Variants in DRC7 observed in about 807,000 individuals in gnomAD.
DRC7 encodes the protein coiled-coil domain containing 135.
Under a neutral mutation model 104.4 loss-of-function variants are expected in DRC7, and 80 were observed. The ratio of observed to expected loss-of-function variants is 0.77; its 90% CI spans 0.64 to 0.92. The LOEUF (loss-of-function observed/expected upper bound fraction) is 0.92. DRC7 is among the 40% of genes least tolerant of loss of function. The probability of loss-of-function intolerance (pLI) is 0.00; values close to 1 mark genes in which losing one functional copy is unlikely to be tolerated. For missense variants in DRC7, 1,034 were observed against 1,141.1 expected, an observed-to-expected ratio of 0.91 and a Z score of 1.35; for synonymous variants, 405 against 447.3, an observed-to-expected ratio of 0.91 and a Z score of 1.19.
Position 57,718,454 on chromosome 16 carries a change from T to C in DRC7, c.1185T>C (p.Asp395=). The C allele has an allele frequency of 6.2e-7, 1 of 1,613,808 alleles. No individual in the cohort carries two copies. The highest frequency in any genetic ancestry group is 8.5e-7 in the Non-Finnish European group (1 of 1,179,828). The change falls in exon 9 of 19, where the codon GAT becomes GAC. Residue 395 remains aspartate, a synonymous_variant. Transcript: ENST00000360716. ...LTEEDDSGIN[D]EDDVENLGKE... ...AAGAAGACGACAGTGGGATAAACGA[T>C]GAGGATGATGTGGAAAATCTGGTGA...
chr16:57,730,048 G>A (rs1301765767), intron 17 of DRC7, among the ~76,000 whole-genome samples: 3 of 134,258 alleles, frequency 2.2e-5, no homozygotes, highest in African/African-American at 8.6e-5. Flanking sequence ...ACGGATGGAC[G>A]GATGGATGGA....
chr16:57,708,756 C>T (rs1597799856), intron 8 of DRC7, among the ~76,000 whole-genome samples: 1 of 152,164 alleles, frequency 6.6e-6, no homozygotes, highest in African/African-American at 2.4e-5. Flanking sequence ...CACATCCTTG[C>T]CAATACTGGA....
chr16:57,705,072 C>A, intron 7 of DRC7, 38 bp downstream of exon 7: 1 of 1,597,796 alleles, frequency 6.3e-7, no homozygotes, highest in African/African-American at 1.3e-5. Context: ...GCTCAGCTAT[C>A]GAGAAAGGAC....
intron 9 of DRC7, among the ~76,000 whole-genome samples, chr16:57,720,265 G>A (rs1003487442): frequency 6.6e-6 from 1 of 152,228 alleles, no homozygotes; most frequent in South Asian, 2.1e-4. Flanking sequence ...AACCTACACA[G>A]TCTGGCTCCA....
chr16:57,722,649 G>A lies in DRC7; in HGVS notation c.1280-64G>A, dbSNP rs2148765759. ...CGGGCAGTGGATGGATGAATGGCTG[G>A]GCGGGGCTGGCCCTCCCTTCCCCCA... On this transcript the variant is annotated intron_variant, in intron 10 of 18. Transcript: ENST00000360716. 5 of 1,599,380 alleles carry A rather than the reference G, an allele frequency of 3.1e-6. No homozygotes were observed. In the East Asian group the frequency reaches 1.1e-4, roughly 36 times the overall value.
chr16:57,702,058 C>T lies in DRC7; in HGVS notation c.627C>T (p.Gly209=), dbSNP rs61749968. Residue 209 remains glycine, a synonymous_variant, in exon 6 of 19, where the codon GGC becomes GGT. Coordinates refer to ENST00000360716, the MANE Select transcript of DRC7 (RefSeq NM_001289162.2). The part of the protein sequence containing the change: ...GSGYDAYCVN[G]YGSLDLCHMD... ...GCTATGATGCTTACTGCGTCAACGG[C>T]TACGGCTCGCTGGACCTGTGCCACA... 9.5e-4 allele frequency: 1,529 copies of T among 1,614,218 alleles called. 12 individuals are homozygous for T. The African/African-American group carries it at 0.018, about 19-fold the overall frequency.
At chr16:57,697,610 T>C (rs1456297039) in intron 2 of DRC7, among the ~76,000 whole-genome samples, 1 of 151,984 alleles carries the variant, frequency 6.6e-6, no homozygotes, top group African/African-American at 2.4e-5. Flanking sequence ...CTGTCAAATA[T>C]ACTAAAAGCA....
intron 1 of DRC7, among the ~76,000 whole-genome samples, chr16:57,696,070 C>T (rs182613544): frequency 3.3e-5 from 5 of 152,128 alleles, no homozygotes; most frequent in African/African-American, 9.7e-5. Context: ...CTGTGGGTTT[C>T]GTTTGTTTTC....
chr16:57,717,359 C>A, intron 8 of DRC7, among the ~76,000 whole-genome samples: 1 of 146,052 alleles, frequency 6.8e-6, no homozygotes, highest in Admixed American at 6.9e-5. Context: ...CTCAGCCTCC[C>A]AAGTAGTCAG....
In DRC7 at chr16:57,699,021, G is replaced by GCC. The variant is rs780979343; in HGVS notation, c.377_378dup (p.Lys127ProfsTer4). On this transcript the variant is annotated frameshift_variant, in exon 4 of 19. Transcript: ENST00000360716. LOFTEE classifies it high-confidence loss of function. ...TGCACCCCCTGAACGAGTGTGAAGT[G>GCC]CCCGTAAGGCTGGCATGTTGAGGGC... The GCC allele has an allele frequency of 2.5e-6, 4 of 1,613,696 alleles. No homozygotes were observed. The highest frequency in any genetic ancestry group is 3.4e-6 in the Non-Finnish European group (4 of 1,179,810).
chr16:57,724,000 G>C (rs1299332087), intron 12 of DRC7, among the ~76,000 whole-genome samples: 1 of 152,056 alleles, frequency 6.6e-6, no homozygotes, highest in Non-Finnish European at 1.5e-5. Context: ...GAGGACAGTT[G>C]GGCAAAATAT....
chr16:57,721,588 A>T (rs1239945881), intron 9 of DRC7, 79 bp from the exon 10 acceptor site: 2 of 1,131,862 alleles, frequency 1.8e-6, no homozygotes, highest in Non-Finnish European at 2.6e-6. Flanking sequence ...CTCTGCAGGC[A>T]GAGACAGAGC....
intron 6 of DRC7, 138 bp downstream of exon 6, chr16:57,702,268 C>T (rs1408401570): frequency 1.3e-6 from 1 of 763,732 alleles, no homozygotes; most frequent in Middle Eastern, 3.8e-4. Context: ...CACCACCAGC[C>T]CTTCCGCTGC....
At chr16:57,712,505 C>G (rs562646572) in intron 8 of DRC7, among the ~76,000 whole-genome samples, 1 of 152,258 alleles carries the variant, frequency 6.6e-6, no homozygotes, top group South Asian at 2.1e-4. Flanking sequence ...GTCAATAAAC[C>G]AGTTTTTGGT....
At chr16:57,705,782 C>T (rs1274596389) in intron 7 of DRC7, among the ~76,000 whole-genome samples, 1 of 142,506 alleles carries the variant, frequency 7.0e-6, no homozygotes, top group Admixed American at 8.0e-5. Flanking sequence ...ATCCATCCAT[C>T]CTCCCATCCA....
chr16:57,702,183 G>A, intron 6 of DRC7, 53 bp downstream of exon 6: 3 of 1,584,712 alleles, frequency 1.9e-6, no homozygotes, highest in African/African-American at 1.3e-5. Context: ...CATTCCCGGT[G>A]CTGTCGTGCC....
At position 57,707,480 on chromosome 16, in the gene DRC7, G is replaced by T. The variant is rs772726162; in HGVS notation, c.879G>T (p.Pro293=). The change falls in exon 8 of 19, where the codon CCG becomes CCT. Residue 293 remains proline (P), a synonymous_variant. Coordinates refer to ENST00000360716, the MANE Select transcript of DRC7 (RefSeq NM_001289162.2). ...ERLMEAEKAK[P]DALHGLRVHS... is the part of the protein sequence containing the mutation. ...GGCAGGAAGCGGAGAAGGCAAAGCC[G>T]GATGCCCTGCACGGCCTGCGGGTGC... The T allele has an allele frequency of 6.2e-7, 1 of 1,613,012 alleles. No homozygotes were observed. The highest frequency in any genetic ancestry group is 8.5e-7 in the Non-Finnish European group (1 of 1,179,818).
At chr16:57,728,104 G>A (rs369169378) in intron 16 of DRC7, among the ~76,000 whole-genome samples, 220 of 152,336 alleles carry the variant, frequency 1.4e-3, no homozygotes, top group African/African-American at 5.0e-3. Flanking sequence ...ATCAGGCTGC[G>A]TGCTTTACAG....
Position 57,700,322 on chromosome 16 carries a change from G to A in DRC7, c.504+52G>A, listed in dbSNP as rs760513514. On this transcript the variant is annotated intron_variant, in intron 5 of 18. Coordinates refer to ENST00000360716, the MANE Select transcript of DRC7 (RefSeq NM_001289162.2). Reference sequence around the variant, plus strand: ...CTGAGCCCACCAGGACTAAGATGGTGTGAGAAACAAACTCACCCATCCAAA... The same window carrying A: ...CTGAGCCCACCAGGACTAAGATGGTATGAGAAACAAACTCACCCATCCAAA... 3.2e-6 allele frequency: 5 copies of A among 1,569,104 alleles called. No individual in the cohort carries two copies. The East Asian group carries it at 6.8e-5, about 21-fold the overall frequency.
Sources: allele counts gnomAD v4.1 joint callset (sites outside exome capture counted in the v4.1 genomes callset), GRCh38; gene constraint gnomAD v4.1.1; transcripts MANE v1.5; gene names NCBI Gene and HGNC (gene_info 2026-07-23, HGNC 2026-07-21).